MYO1C: variants seen among roughly 807,000 people sequenced by gnomAD.
MYO1C encodes the protein unconventional myosin-Ic.
MYO1C carries 104 observed loss-of-function variants against 150.8 expected under a neutral mutation model. That is an observed-to-expected ratio of 0.69 (90% confidence interval 0.59 to 0.81). The LOEUF is 0.81. Among genes scored for constraint, MYO1C ranks in the 30% least tolerant of loss-of-function variants. MYO1C has a pLI of 0.00. For missense variants in MYO1C, 1,504 were observed against 1,435.0 expected, an observed-to-expected ratio of 1.05 and a Z score of -0.78; for synonymous variants, 663 against 579.9, an observed-to-expected ratio of 1.14 and a Z score of -2.06.
Position 1,478,808 on chromosome 17 carries a change from C to G in MYO1C, c.1093-73G>C. 6.2e-7 allele frequency: 1 copy of G among 1,601,554 alleles called. No individual in the cohort carries two copies. The highest frequency in any genetic ancestry group is 1.1e-5 in the South Asian group (1 of 90,620). ...CATCCCACCTGCTCCCAGGCTCAGG[C>G]AGACCAGGAAGCCGCCACCACTCTG... On this transcript the variant is annotated intron_variant, in intron 9 of 31. Transcript: ENST00000648651. The surrounding 1 kb of genome is among the most constrained non-coding windows in gnomAD (Gnocchi z 6.3).
chr17:1,481,535 C>T (rs940707401), intron 5 of MYO1C, among the ~76,000 whole-genome samples: 3 of 152,086 alleles, frequency 2.0e-5, no homozygotes, highest in African/African-American at 7.2e-5. Flanking sequence ...CAGGGTCTTG[C>T]TTTCACCCAG....
chr17:1,470,391 C>G, intron 23 of MYO1C, 44 bp downstream of exon 23: 3 of 1,547,598 alleles, frequency 1.9e-6, no homozygotes, highest in Non-Finnish European at 2.6e-6. Flanking sequence ...GAACCACCCC[C>G]CACGCCCTGC....
intron 1 of MYO1C, chr17:1,485,701 C>G (rs1220798881): frequency 8.3e-7 from 1 of 1,199,032 alleles, no homozygotes; most frequent in African/African-American, 1.6e-5. Flanking sequence ...CACCGACGCC[C>G]GGTAGCGCAT....
Position 1,480,682 on chromosome 17 carries a change from C to T in MYO1C, c.807+24G>A, listed in dbSNP as rs761785206. 4 of 1,613,960 alleles carry T rather than the reference C, an allele frequency of 2.5e-6. No individual in the cohort carries two copies. Among genetic ancestry groups the T allele is most frequent in the African/African-American group, 1.3e-5 (1 of 74,924 alleles). Reference sequence around the variant, plus strand: ...CTGGCACCAGATCCCTGGGTGGCACCTGCCCTCCCTGCCAGCCACTCACCT... The same window carrying T: ...CTGGCACCAGATCCCTGGGTGGCACTTGCCCTCCCTGCCAGCCACTCACCT... On this transcript the variant is annotated intron_variant, in intron 6 of 31. Coordinates refer to ENST00000648651, the MANE Select transcript of MYO1C (RefSeq NM_001080779.2).
chr17:1,477,478 C>T (rs1264880372), intron 14 of MYO1C, 27 bp downstream of exon 14: 1 of 1,606,460 alleles, frequency 6.2e-7, no homozygotes, highest in Non-Finnish European at 8.5e-7. Flanking sequence ...GAGCCCTTGC[C>T]CCCAGCAGCC....
intron 1 of MYO1C, among the ~76,000 whole-genome samples, chr17:1,486,608 C>T (rs953549354): frequency 1.3e-5 from 2 of 152,258 alleles, no homozygotes; most frequent in East Asian, 1.9e-4. Flanking sequence ...CTCTGCCTCC[C>T]GGGTTCTAGC....
intron 2 of MYO1C, 146 bp from the exon 3 acceptor site, chr17:1,483,871 C>G: frequency 5.5e-6 from 4 of 730,052 alleles, no homozygotes; most frequent in Non-Finnish European, 9.2e-6. Context: ...TGGAGAAATC[C>G]GTCTCTACTA....
chr17:1,467,946 C>T (rs1229441884), intron 28 of MYO1C, 36 bp from the exon 29 acceptor site: 1 of 1,612,832 alleles, frequency 6.2e-7, no homozygotes, highest in Admixed American at 1.7e-5. Context: ...GGTCGAGGGT[C>T]AGAGCAGGGC....
At chr17:1,484,429 A>G (rs1008174293) in intron 1 of MYO1C, 126 bp from the exon 2 acceptor site, 5 of 1,203,468 alleles carry the variant, frequency 4.2e-6, no homozygotes, top group Non-Finnish European at 2.4e-6. Context: ...ACGGGACATG[A>G]GCATGACGGG....
At chr17:1,473,898 C>A (rs1420858273) in intron 17 of MYO1C, among the ~76,000 whole-genome samples, 1 of 152,122 alleles carries the variant, frequency 6.6e-6, no homozygotes, top group Non-Finnish European at 1.5e-5. Flanking sequence ...TCTAAGTTTG[C>A]AAAGCACCCT....
At chr17:1,473,591 C>T (rs962588526) in intron 17 of MYO1C, among the ~76,000 whole-genome samples, 1 of 152,090 alleles carries the variant, frequency 6.6e-6, no homozygotes, top group Non-Finnish European at 1.5e-5. Flanking sequence ...CCTCACTCTT[C>T]TGGGGCTCCC....
At chr17:1,475,702 A>G (rs2074391344) in intron 14 of MYO1C, among the ~76,000 whole-genome samples, 1 of 152,198 alleles carries the variant, frequency 6.6e-6, no homozygotes, top group African/African-American at 2.4e-5. Flanking sequence ...CCTTTCACCC[A>G]TTTGCTTTTA....
chr17:1,472,177 A>T lies in MYO1C; in HGVS notation c.1849T>A (p.Ser617Thr). ...SLLQLVEILQSKEPAYVRCIK... is the reference protein window; with the variant it reads ...SLLQLVEILQTKEPAYVRCIK... ...CAGCGGACGTAGGCGGGCTCCTTAG[A>T]CTGCAGGATCTCCACCAGCTGCAGG... The change falls in exon 18 of 32, where the codon TCT becomes ACT. Residue 617 changes from serine (S) to threonine (T), a missense_variant. By Grantham distance (58) the Ser-to-Thr change is moderately conservative. Coordinates refer to ENST00000648651, the MANE Select transcript of MYO1C (RefSeq NM_001080779.2). 2 of 1,614,066 alleles carry T rather than the reference A, an allele frequency of 1.2e-6. No homozygotes were observed. Among genetic ancestry groups the T allele is most frequent in the Non-Finnish European group, 1.7e-6 (2 of 1,179,994 alleles).
chr17:1,483,818 C>T lies in MYO1C; in HGVS notation c.232-93G>A, dbSNP rs773604527. On this transcript the variant is annotated intron_variant, in intron 2 of 31. Transcript: ENST00000648651. ...CAGCACTTTGGGAGGCCAAGGTGGG[C>T]GGATCACCTGAGGTCGGGAGTTCAA... 7.0e-4 allele frequency: 703 copies of T among 1,005,028 alleles called. 1 individual carries two copies. Among genetic ancestry groups the T allele is most frequent in the Non-Finnish European group, 9.5e-4 (619 of 654,670 alleles). The allele number at this position is 1,005,028 out of a possible 1,614,324, so 62.3% of individuals were successfully genotyped here.
At position 1,472,212 on chromosome 17, in the gene MYO1C, T is replaced by C. The variant is rs749271144; in HGVS notation, c.1814A>G (p.Lys605Arg). Residue 605 changes from lysine to arginine, a missense_variant, in exon 18 of 32, where the codon AAG (lysine) becomes AGG (arginine). Lys to Arg is a conservative substitution (Grantham distance 26, BLOSUM62 2). Coordinates refer to ENST00000648651, the MANE Select transcript of MYO1C (RefSeq NM_001080779.2). ...KRPETVATQF[K>R]MSLLQLVEIL... ...CTCCACCAGCTGCAGGAGGCTCATC[T>C]TGAACTGGGTGGCGACCTGGCGAGC... The C allele has an allele frequency of 5.0e-6, 8 of 1,614,132 alleles. No homozygotes were observed. The South Asian group carries it at 7.7e-5, about 16-fold the overall frequency.
rs900337026 is a variant in MYO1C at position 1,468,762 on chromosome 17, C to T, written c.2611-266G>A. The T allele has an allele frequency of 2.8e-5, 15 of 544,838 alleles. No homozygotes were observed. The African/African-American group carries it at 2.9e-4, about 10-fold the overall frequency. 33.8% of individuals were successfully genotyped at this position (544,838 alleles called of 1,614,324 possible). On this transcript the variant is annotated intron_variant, in intron 25 of 31. Coordinates refer to ENST00000648651, the MANE Select transcript of MYO1C (RefSeq NM_001080779.2). Reference sequence around the variant, plus strand: ...CCTTGGTAATGCTTCCCCACCCCATCAGGCCCTGGTGGCCCTGAGACTCAG... The same window carrying T: ...CCTTGGTAATGCTTCCCCACCCCATTAGGCCCTGGTGGCCCTGAGACTCAG...
intron 29 of MYO1C, 107 bp downstream of exon 29, chr17:1,467,733 C>T (rs1219050058): frequency 3.2e-6 from 2 of 621,138 alleles, no homozygotes; most frequent in African/African-American, 2.5e-5. Context: ...CCCCATCCAC[C>T]CTCCCACCTC....
At chr17:1,477,695 GGCAGATCACAGGGA>G in intron 13 of MYO1C, 99 bp from the exon 14 acceptor site, 1 of 1,072,858 alleles carries the variant, frequency 9.3e-7, no homozygotes, top group Non-Finnish European at 1.4e-6. Flanking sequence ...ACAGGGGAGG[GGCAGATCACAGGGA>G]GTCTCCACAG....
chr17:1,480,772 G>GC lies in MYO1C; in HGVS notation c.740dup (p.Glu248ArgfsTer36). 1.2e-6 allele frequency: 2 copies of GC among 1,614,076 alleles called. No individual in the cohort carries two copies. The highest frequency in any genetic ancestry group is 1.7e-6 in the Non-Finnish European group (2 of 1,179,984). ...CCAGCCTGCGAAGAGTCTCCTCCTC[G>GC]CCCCCCTCCAGCAGCTGGTAGAAGA... On this transcript the variant is annotated frameshift_variant, in exon 6 of 32. Coordinates refer to ENST00000648651, the MANE Select transcript of MYO1C (RefSeq NM_001080779.2). LOFTEE classifies it high-confidence loss of function.
Sources: allele counts gnomAD v4.1 joint callset (sites outside exome capture counted in the v4.1 genomes callset), GRCh38; gene constraint gnomAD v4.1.1; non-coding constraint Gnocchi (gnomAD v3.1); transcripts MANE v1.5; gene names NCBI Gene and HGNC (gene_info 2026-07-23, HGNC 2026-07-21).